Variants in BRWD3 observed in about 807,000 individuals in gnomAD.
BRWD3 encodes the protein bromodomain and WD repeat domain containing 3, also known as bromodomain and WD repeat-containing protein 3.
In BRWD3, 10 loss-of-function variants were observed where a neutral mutation model predicts 149.7. The ratio of observed to expected loss-of-function variants is 0.07; its 90% CI spans 0.04 to 0.11. The LOEUF (loss-of-function observed/expected upper bound fraction) is 0.11, where lower values mean the gene tolerates loss of function less well. Among genes scored for constraint, BRWD3 ranks in the 10% least tolerant of loss-of-function variants. The pLI is 1.00. For synonymous variants in BRWD3, 504 were observed against 456.7 expected, an observed-to-expected ratio of 1.10 and a Z score of -1.32; for missense variants, 940 against 1,373.2, an observed-to-expected ratio of 0.68 and a Z score of 4.99.
At chrX:80,794,728 T>C (rs2074219414) in intron 4 of BRWD3, among the ~76,000 whole-genome samples, 1 of 110,504 alleles carries the variant, frequency 9.0e-6, no homozygotes, top group Admixed American at 9.8e-5. Flanking sequence ...TTAAATGTCT[T>C]AATCAAGTCA....
intron 6 of BRWD3, among the ~76,000 whole-genome samples, chrX:80,788,857 C>T: frequency 8.9e-6 from 1 of 112,113 alleles, no homozygotes; most frequent in Admixed American, 9.4e-5. Context: ...AGGCTACTTA[C>T]TACCTGATTT....
chrX:80,792,631 C>T (rs1360115433), intron 5 of BRWD3, among the ~76,000 whole-genome samples: 3 of 111,814 alleles, frequency 2.7e-5, no homozygotes, highest in East Asian at 2.8e-4. Context: ...TATCATTACA[C>T]AACTATTTAC....
chrX:80,802,871 C>T (rs1209429604), intron 4 of BRWD3, among the ~76,000 whole-genome samples: 2 of 110,545 alleles, frequency 1.8e-5, no homozygotes, highest in East Asian at 2.9e-4. Flanking sequence ...TTTGGGAGGC[C>T]GAGGCAGGCA....
At chrX:80,703,303 A>G (rs778388061) in intron 24 of BRWD3, among the ~76,000 whole-genome samples, 177 bp downstream of exon 24, 5 of 111,362 alleles carry the variant, frequency 4.5e-5, no homozygotes, top group Admixed American at 1.9e-4. Context: ...GGACCTACAA[A>G]GGATACAAAG....
chrX:80,733,314 A>T (rs1699915032), intron 12 of BRWD3, 142 bp downstream of exon 12: 1 of 444,525 alleles, frequency 2.2e-6, no homozygotes, highest in Admixed American at 3.8e-5. Context: ...ATGGCTAAGG[A>T]TGTCATCAAA....
intron 20 of BRWD3, among the ~76,000 whole-genome samples, chrX:80,712,518 G>A (rs1381889782): frequency 6.7e-5 from 7 of 104,614 alleles, no homozygotes; most frequent in African/African-American, 2.1e-4. Flanking sequence ...CCTCCCAGCC[G>A]CCTGCCTTGG....
chrX:80,805,764 T>C (rs1444727937), intron 4 of BRWD3, among the ~76,000 whole-genome samples: 1 of 110,794 alleles, frequency 9.0e-6, no homozygotes, highest in South Asian at 3.8e-4. Context: ...CGAAACCCCG[T>C]CTCTACTAAA....
intron 20 of BRWD3, chrX:80,710,303 G>C: frequency 2.9e-6 from 1 of 339,280 alleles, no homozygotes; most frequent in Non-Finnish European, 5.5e-6. Context: ...ACCATATGGT[G>C]TTAGGCTACT....
At chrX:80,792,046 G>T in intron 5 of BRWD3, 94 bp from the exon 6 acceptor site, 1 of 554,771 alleles carries the variant, frequency 1.8e-6, no homozygotes, top group Non-Finnish European at 2.9e-6. Context: ...TTAATTTGTT[G>T]GAATACATTT....
chrX:80,681,092 G>C (rs2072441231), intron 40 of BRWD3, among the ~76,000 whole-genome samples: 1 of 106,020 alleles, frequency 9.4e-6, no homozygotes, highest in Non-Finnish European at 1.9e-5. Flanking sequence ...TTACAGGTGT[G>C]AGCCACCACG....
At chrX:80,720,108 G>A (rs2073125134) in intron 17 of BRWD3, among the ~76,000 whole-genome samples, 1 of 112,031 alleles carries the variant, frequency 8.9e-6, no homozygotes, top group Non-Finnish European at 1.9e-5. Flanking sequence ...ATTATGCACA[G>A]TACATAATAT....
Position 80,781,528 on chromosome X carries a change from G to A in BRWD3, c.430+10326C>T, listed in dbSNP as rs1056724818. 6.8e-4 allele frequency among the ~76,000 whole-genome samples: 75 copies of A among 111,081 alleles called. 1 individual carries two copies. The highest frequency in any genetic ancestry group is 9.2e-4 in the Non-Finnish European group (49 of 53,087). On this transcript the variant is annotated intron_variant, in intron 6 of 40. Coordinates refer to ENST00000373275, the MANE Select transcript of BRWD3 (RefSeq NM_153252.5). ...CTCTCAACAAGAAAACCCAAGTGCT[G>A]TTGGGGAGGTTGGCCGATGACTGCT...
rs1271510294 is a variant in BRWD3 at position 80,722,710 on chromosome X, T to C, written c.1728A>G (p.Gln576=). 1 of 1,210,814 alleles carries C rather than the reference T, an allele frequency of 8.3e-7. No individual in the cohort carries two copies. The highest frequency in any genetic ancestry group is 2.2e-5 in the Admixed American group (1 of 46,011). ...RDANNYVLDE[Q]TQQAPHLMPP... is the part of the protein sequence containing the mutation. ...GCATGAGGTGAGGAGCTTGTTGGGT[T>C]TGTTCATCCAATACATAGTTATTGG... Residue 576 remains glutamine (Q), a synonymous_variant, in exon 17 of 41, where the codon CAA becomes CAG. Coordinates refer to ENST00000373275, the MANE Select transcript of BRWD3 (RefSeq NM_153252.5).
At chrX:80,800,388 AATT>A (rs2074280132) in intron 4 of BRWD3, among the ~76,000 whole-genome samples, 1 of 107,195 alleles carries the variant, frequency 9.3e-6, no homozygotes, top group South Asian at 4.3e-4. Flanking sequence ...TAAAAAGTAA[AATT>A]ATTAGCCAGA....
chrX:80,691,759 A>G, intron 30 of BRWD3, 64 bp downstream of exon 30: 1 of 1,175,438 alleles, frequency 8.5e-7, no homozygotes, highest in Non-Finnish European at 1.2e-6. Context: ...TGTAGAACTT[A>G]AAACTTCTGC....
At position 80,674,469 on chromosome X, in the gene BRWD3, G is replaced by T. The variant is rs919836193; in HGVS notation, c.*2140C>A. 1 of 111,140 alleles carries T rather than the reference G, an allele frequency of 9.0e-6. No individual in the cohort carries two copies. The highest frequency in any genetic ancestry group is 2.8e-4 in the East Asian group (1 of 3,554). 9.2% of individuals were successfully genotyped at this position (111,140 alleles called of 1,213,427 possible). A position where few individuals can be genotyped will look rare whatever the true frequency, so the allele number is the denominator to read the frequency against. ...GTGATCCATATTTGGGTATATCCAG[G>T]AATTTAAGTAACTATGTTACTTAGA... On this transcript the variant is annotated 3_prime_UTR_variant, in exon 41 of 41. Coordinates refer to ENST00000373275, the MANE Select transcript of BRWD3 (RefSeq NM_153252.5).
At chrX:80,739,532 A>T (rs985113879) in intron 8 of BRWD3, among the ~76,000 whole-genome samples, 1 of 111,405 alleles carries the variant, frequency 9.0e-6, no homozygotes, top group Admixed American at 9.6e-5. Context: ...AGGTCTACAG[A>T]TCTCTAAGGC....
At chrX:80,736,210 T>C in intron 8 of BRWD3, 122 bp from the exon 9 acceptor site, 1 of 483,544 alleles carries the variant, frequency 2.1e-6, no homozygotes, top group Non-Finnish European at 3.4e-6. Context: ...CAGCTAAAAA[T>C]TTTTGTTTCA....
At chrX:80,682,367 T>A (rs2072462083) in intron 38 of BRWD3, 98 bp downstream of exon 38, 1 of 982,536 alleles carries the variant, frequency 1.0e-6, no homozygotes, top group Non-Finnish European at 1.4e-6. Context: ...AAAAAAGACC[T>A]CTTGGGATCT....
Sources: gnomAD v4.1 joint callset for allele counts (sites outside exome capture counted in the v4.1 genomes callset) on GRCh38, gnomAD v4.1.1 for gene constraint, MANE v1.5 for transcripts, NCBI Gene and HGNC (gene_info 2026-07-23, HGNC 2026-07-21) for gene names.